Variants in ALK observed in about 807,000 individuals in gnomAD.
ALK encodes ALK receptor tyrosine kinase, also known as ALK tyrosine kinase receptor.
A neutral mutation model predicts 163.1 loss-of-function variants in ALK; 74 were observed. The ratio of observed to expected loss-of-function variants is 0.45; its 90% confidence interval spans 0.38 to 0.55. The LOEUF (loss-of-function observed/expected upper bound fraction) is 0.55. Among genes scored for constraint, ALK ranks in the 20% least tolerant of loss-of-function variants. ALK has a pLI of 0.00. For missense variants in ALK, 2,063 were observed against 2,105.3 expected (o/e 0.98, Z 0.39); for synonymous variants, 960 against 843.2 (o/e 1.14, Z -2.40).
At chr2:29,284,438 AT>A (rs761165755) in intron 9 of ALK, among the ~76,000 whole-genome samples, 2 of 152,268 alleles carry the variant, frequency 1.3e-5, no homozygotes, top group Admixed American at 6.5e-5. Context: ...ACAGGGCTAC[AT>A]TTTCCGAGAC....
At position 29,214,074 on chromosome 2, in the gene ALK, G is replaced by A. The variant is rs1159709305; in HGVS notation, c.3653C>T (p.Pro1218Leu). The change falls in exon 24 of 29, where the codon CCC becomes CTC. Residue 1218 changes from proline (P) to leucine (L), a missense_variant. This residue lies in a region of ALK where 575 missense variants were observed against 626.6 expected (regional missense o/e 0.92). Coordinates refer to ENST00000389048, the MANE Select transcript of ALK (RefSeq NM_004304.5). ...LRETRPRPSQ[P>L]SSLAMLDLLH... ...AAGGTCCAGCATGGCCAGGGAGGAG[G>A]GCTGGCTCTGTGGGGAGACAGAAGC... 4 of 1,613,964 alleles carry A rather than the reference G, an allele frequency of 2.5e-6. No homozygotes were observed. The highest frequency in any genetic ancestry group is 1.1e-5 in the South Asian group (1 of 91,064).
chr2:29,573,960 A>G (rs1410994218), intron 3 of ALK, among the ~76,000 whole-genome samples: 3 of 152,162 alleles, frequency 2.0e-5, no homozygotes, highest in Non-Finnish European at 2.9e-5. Flanking sequence ...TAAAAAGGAG[A>G]GAGAGATGGA....
intron 1 of ALK, among the ~76,000 whole-genome samples, chr2:29,779,154 T>TAA (rs77693752): frequency 6.9e-6 from 1 of 144,304 alleles, no homozygotes; most frequent in African/African-American, 2.6e-5. Context: ...AGACGCCGTC[T>TAA]AAAAAAAAAA....
intron 23 of ALK, among the ~76,000 whole-genome samples, chr2:29,215,858 C>G (rs1669589849): frequency 6.6e-6 from 1 of 152,200 alleles, no homozygotes; most frequent in African/African-American, 2.4e-5. Flanking sequence ...TGCTCAGCCT[C>G]TCAGAGCCAG....
At chr2:29,224,885 T>A (rs1192296706) in intron 19 of ALK, among the ~76,000 whole-genome samples, 1 of 152,236 alleles carries the variant, frequency 6.6e-6, no homozygotes, top group African/African-American at 2.4e-5. Flanking sequence ...TCTGCCCTTT[T>A]CAAGCCTCTG....
intron 1 of ALK, among the ~76,000 whole-genome samples, chr2:29,803,874 C>T (rs752151912): frequency 1.3e-4 from 20 of 152,244 alleles, no homozygotes; most frequent in Admixed American, 7.2e-4. Flanking sequence ...TGGGCTCTGC[C>T]TCAATGTCCC....
chr2:29,625,440 CA>C (rs1324567469), intron 3 of ALK, among the ~76,000 whole-genome samples: 10 of 152,170 alleles, frequency 6.6e-5, no homozygotes, highest in Non-Finnish European at 1.3e-4. Context: ...TCTTCTTCCC[CA>C]GAAGTTTAAC....
intron 4 of ALK, among the ~76,000 whole-genome samples, chr2:29,424,927 A>C (rs559368729): frequency 1.3e-4 from 20 of 152,202 alleles, no homozygotes; most frequent in Non-Finnish European, 2.6e-4. Context: ...CTCCAGGCAG[A>C]GAGTAAATGT....
chr2:29,885,097 T>C (rs1666954352), intron 1 of ALK, among the ~76,000 whole-genome samples: 1 of 152,212 alleles, frequency 6.6e-6, no homozygotes. Context: ...GAGACCCTTT[T>C]TCTGGATTGG....
At chr2:29,574,072 A>AT (rs1340048160) in intron 3 of ALK, among the ~76,000 whole-genome samples, 3 of 151,746 alleles carry the variant, frequency 2.0e-5, no homozygotes, top group Non-Finnish European at 4.4e-5. Context: ...AAATAAAAAA[A>AT]AAAATGTCCT....
chr2:29,763,822 TTC>T (rs1439274197), intron 1 of ALK, among the ~76,000 whole-genome samples: 2 of 152,134 alleles, frequency 1.3e-5, no homozygotes, highest in Admixed American at 1.3e-4. Flanking sequence ...TTGGCTCCTG[TTC>T]ACACACAATA....
chr2:29,494,269 T>G (rs184250716), intron 4 of ALK, among the ~76,000 whole-genome samples: 1 of 152,356 alleles, frequency 6.6e-6, no homozygotes, highest in Admixed American at 6.5e-5. Context: ...AGCTTCAAGC[T>G]TTGAGGCCTC....
chr2:29,813,840 A>T (rs1664820702), intron 1 of ALK, among the ~76,000 whole-genome samples: 1 of 152,242 alleles, frequency 6.6e-6, no homozygotes, highest in African/African-American at 2.4e-5. Flanking sequence ...TTCCTGGGAA[A>T]GATCCTTCTA....
chr2:29,909,480 C>CAGAGAGAGAG (rs369360033), intron 1 of ALK, among the ~76,000 whole-genome samples: 5,087 of 135,806 alleles, frequency 0.037, 133 homozygotes, highest in South Asian at 0.051. Flanking sequence ...GACAGACAGA[C>CAGAGAGAGAG]AGAGAGAGAG....
At chr2:29,519,242 G>A (rs1672750238) in intron 4 of ALK, among the ~76,000 whole-genome samples, 2 of 152,220 alleles carry the variant, frequency 1.3e-5, no homozygotes, top group South Asian at 4.1e-4. Flanking sequence ...TACTGCTGGA[G>A]TCAGGCAAGT....
rs143514233 is a variant in ALK, at chr2:29,422,158, C to T, written c.1155-38299G>A. ...GAGCTTGTAGGTAAGGTAGGTGTGACTCCACCTTTCTAAGTCAGAATTACA... is the reference window on the plus strand; with the variant it reads ...GAGCTTGTAGGTAAGGTAGGTGTGATTCCACCTTTCTAAGTCAGAATTACA... On this transcript the variant is annotated intron_variant, in intron 4 of 28. Transcript: ENST00000389048. Among the ~76,000 whole-genome samples, 98 of 151,516 alleles carry T rather than the reference C, an allele frequency of 6.5e-4. 5 individuals carry two copies. The highest frequency in any genetic ancestry group is 2.4e-3 in the African/African-American group (96 of 40,818).
intron 5 of ALK, among the ~76,000 whole-genome samples, chr2:29,371,414 A>C (rs1314475777): frequency 1.3e-5 from 2 of 152,216 alleles, no homozygotes; most frequent in African/African-American, 4.8e-5. Flanking sequence ...CTTCAGCGTG[A>C]GCTTCCCACA....
rs190199420 is a variant in ALK, at chr2:29,903,234, G to A, written c.667+16759C>T. 3.2e-3 allele frequency among the ~76,000 whole-genome samples: 486 copies of A among 152,274 alleles called. 3 individuals are homozygous for A. Among genetic ancestry groups the A allele is most frequent in the Middle Eastern group, 6.8e-3 (2 of 294 alleles). On this transcript the variant is annotated intron_variant, in intron 1 of 28. Transcript: ENST00000389048. The stretch of plus-strand genomic sequence containing the variant: ...TGTAGAATGAAGAATTGGAATTAAG[G>A]AAAAAGTCAGTGAACCATTAAGAAT...
chr2:29,669,883 TAA>T (rs201606104), intron 3 of ALK, among the ~76,000 whole-genome samples: 1 of 148,956 alleles, frequency 6.7e-6, no homozygotes, highest in African/African-American at 2.5e-5. Flanking sequence ...AAAAAAAAAC[TAA>T]AAAAAAAATT....
Sources: allele counts gnomAD v4.1 joint callset (sites outside exome capture counted in the v4.1 genomes callset), GRCh38; gene constraint gnomAD v4.1.1; regional missense constraint gnomAD v4.1.1; transcripts MANE v1.5; gene names NCBI Gene and HGNC (gene_info 2026-07-23, HGNC 2026-07-21).